RPL37A: variants seen among roughly 807,000 people sequenced by gnomAD.
The protein encoded by RPL37A is large ribosomal subunit protein eL43.
RPL37A carries 5 observed loss-of-function variants against 13.6 expected under a neutral mutation model. That is an observed-to-expected ratio of 0.37 (90% CI 0.19 to 0.78). The LOEUF (loss-of-function observed/expected upper bound fraction) is 0.78, where lower values mean the gene tolerates loss of function less well. Ranked by LOEUF, RPL37A falls within the 30% of genes least tolerant of loss-of-function variation. RPL37A has a pLI of 0.49. For synonymous variants in RPL37A, 50 were observed against 44.4 expected (o/e 1.13, Z -0.50); for missense variants, 77 against 120.0 (o/e 0.64, Z 1.67).
chr2:216,502,564 T>TC lies in RPL37A; in HGVS notation c.*1161dup, dbSNP rs1032193631. 2 of 152,228 alleles carry TC rather than the reference T, an allele frequency of 1.3e-5. No individual in the cohort carries two copies. The highest frequency in any genetic ancestry group is 4.8e-5 in the African/African-American group (2 of 41,462). The allele number at this position is 152,228 out of a possible 1,614,324, so 9.4% of individuals were successfully genotyped here. On this transcript the variant is annotated 3_prime_UTR_variant, in exon 4 of 4. Coordinates refer to ENST00000491306, the MANE Select transcript of RPL37A (RefSeq NM_000998.5). ...AAAAAAATGAATTGCCTTGGAGAAT[T>TC]CGAGTTATTTTAGGCCTGCCTTTGA...
In RPL37A at chr2:216,502,566, G is replaced by A. The variant is rs957377857; in HGVS notation, c.*1162G>A. ...AAAAATGAATTGCCTTGGAGAATTC[G>A]AGTTATTTTAGGCCTGCCTTTGACA... On this transcript the variant is annotated 3_prime_UTR_variant, in exon 4 of 4. Coordinates refer to ENST00000491306, the MANE Select transcript of RPL37A (RefSeq NM_000998.5). 2 of 152,190 alleles carry A rather than the reference G, an allele frequency of 1.3e-5. No individual in the cohort carries two copies. The highest frequency in any genetic ancestry group is 2.9e-5 in the Non-Finnish European group (2 of 68,036). The allele number at this position is 152,190 out of a possible 1,614,324, so 9.4% of individuals were successfully genotyped here. A position where few individuals can be genotyped will look rare whatever the true frequency, so the allele number is the denominator to read the frequency against.
At position 216,499,281 on chromosome 2, in the gene RPL37A, C is replaced by G. The variant is rs552195231; in HGVS notation, c.15C>G (p.Thr5=). The change falls in exon 2 of 4, where the codon ACC becomes ACG. Residue 5 remains threonine (T), a synonymous_variant. Transcript: ENST00000491306. MAKR[T]KKVGIVGKYG... is the part of the protein sequence containing the mutation. ...TTCACTCTAAACAGGCCAAACGTAC[C>G]AAGAAAGTCGGGATCGTCGGTAAAT... 4.3e-6 allele frequency: 7 copies of G among 1,612,844 alleles called. No homozygotes were observed. The highest frequency in any genetic ancestry group is 2.2e-5 in the East Asian group (1 of 44,886).
In RPL37A at chr2:216,500,025, C is replaced by T. The variant is rs755253447; in HGVS notation, c.209C>T (p.Thr70Met). ...AAGACAGTGGCTGGCGGTGCCTGGA[C>T]GTACAAGTGAGTCTAGTTCCTTGTG... ...CMKTVAGGAW[T>M]YNTTSAVTVK... is the part of the protein sequence containing the mutation. The change falls in exon 3 of 4, where the codon ACG becomes ATG. Residue 70 changes from threonine (T) to methionine (M), a missense_variant. Around this residue, in one of 3 missense-constraint regions of RPL37A, gnomAD observed 59 missense variants for 65.5 expected, o/e 0.90. Coordinates refer to ENST00000491306, the MANE Select transcript of RPL37A (RefSeq NM_000998.5). 1.3e-5 allele frequency: 21 copies of T among 1,612,556 alleles called. No homozygotes were observed. The highest frequency in any genetic ancestry group is 2.7e-5 in the African/African-American group (2 of 74,892).
Position 216,501,705 on chromosome 2 carries a change from T to A in RPL37A, c.*301T>A, listed in dbSNP as rs1695602045. 1 of 234,264 alleles carries A rather than the reference T, an allele frequency of 4.3e-6. No individual in the cohort carries two copies. Among genetic ancestry groups the A allele is most frequent in the Admixed American group, 5.7e-5 (1 of 17,568 alleles). The allele number at this position is 234,264 out of a possible 1,614,324, so 14.5% of individuals were successfully genotyped here. ...CATTGGAGCCAACTGTAAACTTTAG[T>A]TTTTAAATTACAGTTAGTTTTTTTG... On this transcript the variant is annotated 3_prime_UTR_variant, in exon 4 of 4. Transcript: ENST00000491306.
chr2:216,501,307 T>G lies in RPL37A; in HGVS notation c.216-34T>G, dbSNP rs761583364. The G allele has an allele frequency of 3.8e-6, 6 of 1,585,478 alleles. No individual in the cohort carries two copies. In the East Asian group the frequency reaches 1.3e-4, roughly 35 times the overall value. On this transcript the variant is annotated intron_variant, in intron 3 of 3. Coordinates refer to ENST00000491306, the MANE Select transcript of RPL37A (RefSeq NM_000998.5). ...TTTGCCATTTTCTATGTTAACATGC[T>G]TAATTATGTTGGAAACTGAATCTTT...
In RPL37A at chr2:216,504,026, TAA is replaced by T. The variant is rs1360882341; in HGVS notation, c.*2623_*2624del. On this transcript the variant is annotated 3_prime_UTR_variant, in exon 4 of 4. Transcript: ENST00000491306. ...CAGTGGTTTTCTGAGCCTTTGACTC[TAA>T]GTCATCTAATTGAACATTGTGTTGT... 2.0e-5 allele frequency: 3 copies of T among 152,220 alleles called. No individual in the cohort carries two copies. 9.4% of individuals were successfully genotyped at this position (152,220 alleles called of 1,614,324 possible).
At chr2:216,498,991 T>C in intron 1 of RPL37A, 114 bp downstream of exon 1, 1 of 1,458,084 alleles carries the variant, frequency 6.9e-7, no homozygotes, top group South Asian at 1.2e-5. Context: ...CCTGTCTCCA[T>C]GCCTTTGCAG....
chr2:216,501,218 G>A (rs1414550988), intron 3 of RPL37A, 123 bp from the exon 4 acceptor site: 10 of 695,404 alleles, frequency 1.4e-5, no homozygotes, highest in Non-Finnish European at 2.3e-5. Flanking sequence ...GTCTATCTCA[G>A]TATAATTCTT....
At position 216,502,864 on chromosome 2, in the gene RPL37A, C is replaced by G. The variant is rs1407236247; in HGVS notation, c.*1460C>G. 6.6e-6 allele frequency: 1 copy of G among 152,212 alleles called. No homozygotes were observed. The highest frequency in any genetic ancestry group is 6.5e-5 in the Admixed American group (1 of 15,280). The allele number at this position is 152,212 out of a possible 1,614,324, so 9.4% of individuals were successfully genotyped here. On this transcript the variant is annotated 3_prime_UTR_variant, in exon 4 of 4. Coordinates refer to ENST00000491306, the MANE Select transcript of RPL37A (RefSeq NM_000998.5). ...CGGATGTCTCCCTTCACCTGTACCTCCTGCATTGCCTCTGGCAGAAACATC... is the reference window on the plus strand; with the variant it reads ...CGGATGTCTCCCTTCACCTGTACCTGCTGCATTGCCTCTGGCAGAAACATC...
In RPL37A at chr2:216,499,346, A is replaced by G. The variant is rs1196342453; in HGVS notation, c.80A>G (p.Lys27Arg). 6.2e-7 allele frequency: 1 copy of G among 1,614,184 alleles called. No homozygotes were observed. The highest frequency in any genetic ancestry group is 1.7e-5 in the Admixed American group (1 of 60,020). Reference sequence around the variant, plus strand: ...GGGGCCTCCCTCCGGAAAATGGTGAAGAAAATTGAAATCAGCCAGCACGCC... The same window carrying G: ...GGGGCCTCCCTCCGGAAAATGGTGAGGAAAATTGAAATCAGCCAGCACGCC... The part of the protein sequence containing the change: ...RYGASLRKMV[K>R]KIEISQHAKY... The change falls in exon 2 of 4, where the codon AAG becomes AGG. Residue 27 changes from lysine (K) to arginine (R), a missense_variant. By Grantham distance (26) the Lys-to-Arg change is conservative. Coordinates refer to ENST00000491306, the MANE Select transcript of RPL37A (RefSeq NM_000998.5).
chr2:216,500,453 T>TA, intron 3 of RPL37A: 1 of 222,682 alleles, frequency 4.5e-6, no homozygotes, highest in Non-Finnish European at 9.1e-6. Context: ...TGAACAGTAT[T>TA]AGACTGCTGC....
chr2:216,499,705 C>T (rs1159987277), intron 2 of RPL37A: 4 of 670,314 alleles, frequency 6.0e-6, no homozygotes, highest in Non-Finnish European at 1.1e-5. Context: ...TGTTTCTGCA[C>T]CAACTCCCAA....
rs763385662 is a variant in RPL37A, at chr2:216,498,848, C to G, written c.-27C>G. On this transcript the variant is annotated 5_prime_UTR_variant, in exon 1 of 4. Coordinates refer to ENST00000491306, the MANE Select transcript of RPL37A (RefSeq NM_000998.5). ...GCCTGCGCACCGCGTCTCTTCCTTT[C>G]TGGGCTCGGACCTAGGTCGCGGCGA... 2.5e-6 allele frequency: 4 copies of G among 1,613,986 alleles called. No individual in the cohort carries two copies. Among genetic ancestry groups the G allele is most frequent in the South Asian group, 1.1e-5 (1 of 91,082 alleles).
At chr2:216,499,830 A>T in intron 2 of RPL37A, 119 bp from the exon 3 acceptor site, 1 of 865,416 alleles carries the variant, frequency 1.2e-6, no homozygotes, top group Admixed American at 1.9e-5. Flanking sequence ...TTTGTTTTTG[A>T]GGGAGAAAGG....
In RPL37A at chr2:216,499,963, A is replaced by C. The variant is rs1445737451; in HGVS notation, c.147A>C (p.Arg49Ser). Reference protein sequence around the residue: ...CSFCGKTKMKRRAVGIWHCGS... With the variant: ...CSFCGKTKMKSRAVGIWHCGS... ...CTCTTTTATAGACCAAGATGAAGAG[A>C]CGAGCTGTGGGGATCTGGCACTGTG... Residue 49 changes from arginine to serine, a missense_variant, in exon 3 of 4, where the codon AGA becomes AGC. This residue lies in a region of RPL37A where 59 missense variants were observed against 65.5 expected (regional missense o/e 0.90). Coordinates refer to ENST00000491306, the MANE Select transcript of RPL37A (RefSeq NM_000998.5). 6.2e-7 allele frequency: 1 copy of C among 1,614,124 alleles called. No homozygotes were observed. Among genetic ancestry groups the C allele is most frequent in the Admixed American group, 1.7e-5 (1 of 60,030 alleles).
chr2:216,500,252 T>A, intron 3 of RPL37A: 4 of 581,620 alleles, frequency 6.9e-6, no homozygotes, highest in Middle Eastern at 4.6e-4. Context: ...ACAGACTACT[T>A]TAGAATTTGA....
chr2:216,498,845 T>A lies in RPL37A; in HGVS notation c.-30T>A, dbSNP rs1695544613. The A allele has an allele frequency of 1.9e-6, 3 of 1,613,996 alleles. No individual in the cohort carries two copies. Reference sequence around the variant, plus strand: ...CGCGCCTGCGCACCGCGTCTCTTCCTTTCTGGGCTCGGACCTAGGTCGCGG... The same window carrying A: ...CGCGCCTGCGCACCGCGTCTCTTCCATTCTGGGCTCGGACCTAGGTCGCGG... On this transcript the variant is annotated 5_prime_UTR_variant, in exon 1 of 4. Transcript: ENST00000491306.
At chr2:216,499,670 T>A in intron 2 of RPL37A, 3 of 632,302 alleles carry the variant, frequency 4.7e-6, no homozygotes, top group Non-Finnish European at 8.4e-6. Flanking sequence ...TTGTGGGAAA[T>A]GATTCCATCA....
At position 216,499,026 on chromosome 2, in the gene RPL37A, C is replaced by T. The variant is rs557190816; in HGVS notation, c.3+149C>T. On this transcript the variant is annotated intron_variant, in intron 1 of 3. Transcript: ENST00000491306. ...GGAGACACCATTGTCGGAAGCTCCCCAAGGCGGAGGGGCGGGGGCGCCTTG... is the reference window on the plus strand; with the variant it reads ...GGAGACACCATTGTCGGAAGCTCCCTAAGGCGGAGGGGCGGGGGCGCCTTG... 7 of 1,320,138 alleles carry T rather than the reference C, an allele frequency of 5.3e-6. No homozygotes were observed. The East Asian group carries it at 1.5e-4, about 28-fold the overall frequency. 81.8% of individuals were successfully genotyped at this position (1,320,138 alleles called of 1,614,324 possible). A position where few individuals can be genotyped will look rare whatever the true frequency, so the allele number is the denominator to read the frequency against.
Sources: gnomAD v4.1 joint callset for allele counts on GRCh38, gnomAD v4.1.1 for gene constraint, gnomAD v4.1.1 regional missense constraint, MANE v1.5 for transcripts, NCBI Gene and HGNC (gene_info 2026-07-23, HGNC 2026-07-21) for gene names.